NECAB1: variants seen among roughly 807,000 people sequenced by gnomAD.
NECAB1 encodes the protein N-terminal EF-hand calcium-binding protein 1.
Under a neutral mutation model 57.5 loss-of-function variants are expected in NECAB1, and 29 were observed. The ratio of observed to expected loss-of-function variants is 0.50; its 90% CI spans 0.38 to 0.69. NECAB1 has a LOEUF of 0.69. Ranked by LOEUF, NECAB1 falls within the 30% of genes least tolerant of loss-of-function variation. The pLI is 0.00. For synonymous variants in NECAB1, 142 were observed against 147.7 expected (o/e 0.96, Z 0.28); for missense variants, 372 against 413.8 (o/e 0.90, Z 0.88).
At chr8:90,952,798 T>TAAAATAAAATAAAATAAAA (rs4041466) in intron 12 of NECAB1, among the ~76,000 whole-genome samples, 1,982 of 138,216 alleles carry the variant, frequency 0.014, 45 homozygotes, top group African/African-American at 0.061. Flanking sequence ...AATAATAAAA[T>TAAAATAAAATAAAATAAAA]TAAAATAAAA....
chr8:90,801,665 A>G (rs1465091081), intron 1 of NECAB1, 26 bp from the exon 2 acceptor site: 16 of 1,486,078 alleles, frequency 1.1e-5, no homozygotes, highest in Non-Finnish European at 1.5e-5. Context: ...AAATGCTGAT[A>G]AAATTTTTTC....
intron 6 of NECAB1, among the ~76,000 whole-genome samples, chr8:90,925,164 C>G (rs2879405): frequency 0.089 from 13,441 of 151,834 alleles, 1,566 homozygotes; most frequent in African/African-American, 0.27. Flanking sequence ...GGATGTATAG[C>G]TTTGATCCAA....
At chr8:90,869,552 G>A (rs1808584133) in intron 3 of NECAB1, among the ~76,000 whole-genome samples, 1 of 152,224 alleles carries the variant, frequency 6.6e-6, no homozygotes, top group African/African-American at 2.4e-5. Flanking sequence ...ATTCAAAGGA[G>A]ATTATTTGGG....
intron 1 of NECAB1, 118 bp from the exon 2 acceptor site, chr8:90,801,573 C>T (rs894003872): frequency 9.7e-5 from 68 of 698,510 alleles, no homozygotes; most frequent in Middle Eastern, 4.0e-4. Flanking sequence ...AATTGGGAAA[C>T]GCTTACTTAA....
chr8:90,826,601 A>G (rs1812230175), intron 3 of NECAB1, among the ~76,000 whole-genome samples: 1 of 151,930 alleles, frequency 6.6e-6, no homozygotes, highest in South Asian at 2.1e-4. Flanking sequence ...CTTCCTCGTT[A>G]CAATTAGTAT....
intron 2 of NECAB1, among the ~76,000 whole-genome samples, chr8:90,821,803 AAC>A (rs1188928622): frequency 1.3e-5 from 2 of 151,838 alleles, no homozygotes; most frequent in Non-Finnish European, 2.9e-5. Context: ...CTTAATACAA[AAC>A]ACAGTTTTTT....
At chr8:90,825,521 TATATGAAAAACCACC>T (rs1309123632) in intron 3 of NECAB1, among the ~76,000 whole-genome samples, 11 of 151,942 alleles carry the variant, frequency 7.2e-5, no homozygotes, top group African/African-American at 2.6e-4. Context: ...ACAAAACGCT[TATATGAAAAACCACC>T]ATTTCAACCA....
At chr8:90,848,834 A>G (rs1247886253) in intron 3 of NECAB1, among the ~76,000 whole-genome samples, 1 of 152,098 alleles carries the variant, frequency 6.6e-6, no homozygotes, top group African/African-American at 2.4e-5. Flanking sequence ...AAACAAATAC[A>G]AAAATAAGCT....
At chr8:90,849,592 TAGC>T (rs1250310891) in intron 3 of NECAB1, among the ~76,000 whole-genome samples, 2 of 149,588 alleles carry the variant, frequency 1.3e-5, no homozygotes, top group African/African-American at 4.9e-5. Context: ...TAGGTTAATA[TAGC>T]AGAATAATTT....
intron 3 of NECAB1, among the ~76,000 whole-genome samples, chr8:90,841,086 C>T (rs1481896520): frequency 6.8e-6 from 1 of 147,606 alleles, no homozygotes; most frequent in East Asian, 2.1e-4. Flanking sequence ...GAAACCCTGC[C>T]TCTACTAAAA....
intron 5 of NECAB1, among the ~76,000 whole-genome samples, chr8:90,897,512 A>G (rs2129997986): frequency 6.6e-6 from 1 of 152,350 alleles, no homozygotes; most frequent in East Asian, 1.9e-4. Context: ...TCAATAAAAA[A>G]TTAAGATGGC....
chr8:90,862,976 C>T (rs1296320817), intron 3 of NECAB1, among the ~76,000 whole-genome samples: 1 of 152,044 alleles, frequency 6.6e-6, no homozygotes, highest in Non-Finnish European at 1.5e-5. Flanking sequence ...TTATATATTG[C>T]TTAATTTTTG....
chr8:90,830,518 G>C (rs1253561090), intron 3 of NECAB1, among the ~76,000 whole-genome samples: 2 of 152,084 alleles, frequency 1.3e-5, no homozygotes, highest in African/African-American at 4.8e-5. Flanking sequence ...TTGGGTTTCA[G>C]CAATACAAAT....
chr8:90,857,667 A>T (rs1294107083), intron 3 of NECAB1, among the ~76,000 whole-genome samples: 1 of 152,146 alleles, frequency 6.6e-6, no homozygotes, highest in Non-Finnish European at 1.5e-5. Context: ...CAATAGAGAA[A>T]TGTCATTTTA....
At chr8:90,824,261 ATAGT>A (rs1812190067) in intron 2 of NECAB1, among the ~76,000 whole-genome samples, 1 of 151,908 alleles carries the variant, frequency 6.6e-6, no homozygotes, top group Non-Finnish European at 1.5e-5. Context: ...AGGAATGGAC[ATAGT>A]TTGTTAGACT....
intron 9 of NECAB1, among the ~76,000 whole-genome samples, chr8:90,935,751 A>G (rs1810523996): frequency 1.3e-5 from 2 of 152,140 alleles, no homozygotes; most frequent in African/African-American, 4.8e-5. Flanking sequence ...AAAATTGTCT[A>G]AGGATTGTTT....
chr8:90,915,312 CA>C (rs1267548115), intron 5 of NECAB1, among the ~76,000 whole-genome samples: 1 of 151,992 alleles, frequency 6.6e-6, no homozygotes, highest in Non-Finnish European at 1.5e-5. Context: ...CTTTCAACCT[CA>C]AAGAAAAGCC....
intron 4 of NECAB1, among the ~76,000 whole-genome samples, chr8:90,879,070 A>T (rs1808785485): frequency 1.4e-5 from 2 of 142,568 alleles, no homozygotes; most frequent in South Asian, 2.1e-4. Context: ...TCTTATATAT[A>T]ATATATATTA....
intron 2 of NECAB1, among the ~76,000 whole-genome samples, chr8:90,810,016 AT>A (rs1453977896): frequency 2.0e-5 from 3 of 152,216 alleles, no homozygotes; most frequent in African/African-American, 4.8e-5. Flanking sequence ...CATTGTCCCA[AT>A]TTTATTTATG....
Sources: allele counts gnomAD v4.1 joint callset (sites outside exome capture counted in the v4.1 genomes callset), GRCh38; gene constraint gnomAD v4.1.1; transcripts MANE v1.5; gene names NCBI Gene and HGNC (gene_info 2026-07-23, HGNC 2026-07-21).